RB1: variants seen among roughly 807,000 people sequenced by gnomAD.
The protein encoded by RB1 is retinoblastoma-associated protein.
RB1 carries 18 observed loss-of-function variants against 135.4 expected under a neutral mutation model. The ratio of observed to expected loss-of-function variants is 0.13; its 90% CI spans 0.09 to 0.20. The LOEUF (loss-of-function observed/expected upper bound fraction) is 0.20. Among genes scored for constraint, RB1 ranks in the 10% least tolerant of loss-of-function variants. The pLI is 1.00. For synonymous variants in RB1, 365 were observed against 373.2 expected (o/e 0.98, Z 0.25); for missense variants, 868 against 1,110.0 (o/e 0.78, Z 3.10).
chr13:48,330,447 CAAAT>C (rs1227164511), intron 2 of RB1, among the ~76,000 whole-genome samples: 9 of 151,810 alleles, frequency 5.9e-5, no homozygotes, highest in African/African-American at 2.2e-4. Context: ...AAAGAAGATT[CAAAT>C]AAATAAAATC....
At position 48,360,003 on chromosome 13, in the gene RB1, C is replaced by T. The variant is rs2138107482; in HGVS notation, c.608-14C>T. ...ATCTCTAACTTTCTTTAAAAATGTA[C>T]ATTTTTTTTTCAGGGGAAGTATTAC... On this transcript the variant is annotated splice_polypyrimidine_tract_variant and intron_variant, in intron 6 of 26. Coordinates refer to ENST00000267163, the MANE Select transcript of RB1 (RefSeq NM_000321.3). 6.2e-7 allele frequency: 1 copy of T among 1,609,954 alleles called. No individual in the cohort carries two copies. Among genetic ancestry groups the T allele is most frequent in the Non-Finnish European group, 8.5e-7 (1 of 1,178,348 alleles).
chr13:48,432,319 A>G (rs891821945), intron 17 of RB1, among the ~76,000 whole-genome samples: 3 of 151,742 alleles, frequency 2.0e-5, no homozygotes, highest in Non-Finnish European at 4.4e-5. Flanking sequence ...TTTGGGGCAA[A>G]TAGAAATTTC....
chr13:48,323,143 T>C (rs1952255776), intron 2 of RB1, among the ~76,000 whole-genome samples: 1 of 152,142 alleles, frequency 6.6e-6, no homozygotes, highest in Non-Finnish European at 1.5e-5. Context: ...TGATGCCATC[T>C]GGGCCTGGAC....
chr13:48,376,585 A>T (rs1186581317), intron 12 of RB1, among the ~76,000 whole-genome samples: 2 of 152,118 alleles, frequency 1.3e-5, no homozygotes, highest in African/African-American at 4.8e-5. Flanking sequence ...AGCAACATAC[A>T]TCCCAATATA....
intron 21 of RB1, 55 bp downstream of exon 21, chr13:48,463,890 A>G: frequency 9.6e-7 from 1 of 1,039,154 alleles, no homozygotes; most frequent in Non-Finnish European, 1.5e-6. Context: ...ATAACATAAC[A>G]TAGGTAATTC....
rs1368406855 is a variant in RB1 at position 48,307,736 on chromosome 13, G to A, written c.264+330G>A. On this transcript the variant is annotated intron_variant, in intron 2 of 26. Transcript: ENST00000267163. ...AAAAAATTAGCAGGGTGTGGCGTGC[G>A]CCTGTAGTCCCAGCTATTTGGGAAG... 4.7e-5 allele frequency among the ~76,000 whole-genome samples: 7 copies of A among 150,364 alleles called. No homozygotes were observed. The South Asian group carries it at 1.1e-3, about 23-fold the overall frequency.
chr13:48,402,875 A>G (rs1025074823), intron 17 of RB1, among the ~76,000 whole-genome samples: 3 of 152,216 alleles, frequency 2.0e-5, no homozygotes, highest in African/African-American at 7.2e-5. Flanking sequence ...AATTACCTAT[A>G]TGACATATAA....
chr13:48,384,716 G>A (rs142932026), intron 17 of RB1, among the ~76,000 whole-genome samples: 8 of 152,238 alleles, frequency 5.3e-5, no homozygotes, highest in Admixed American at 4.6e-4. Context: ...TTTAATGAAA[G>A]AAAGAACATC....
rs4151424 is a variant in RB1, at chr13:48,306,126, C to T, written c.138-1154C>T. Among the ~76,000 whole-genome samples the T allele has an allele frequency of 5.5e-3, 837 of 152,114 alleles. 5 individuals carry two copies. The highest frequency in any genetic ancestry group is 0.01 in the Middle Eastern group (3 of 294). ...TCTTTAAAAAAACAAAAAAGCTGAC[C>T]AGGCATGTTGGCTCACGCCTGTAAT... On this transcript the variant is annotated intron_variant, in intron 1 of 26. Transcript: ENST00000267163.
At position 48,453,367 on chromosome 13, in the gene RB1, G is replaced by A. The variant is rs4151578; in HGVS notation, c.1814+256G>A. Among the ~76,000 whole-genome samples, 847 of 152,302 alleles carry A rather than the reference G, an allele frequency of 5.6e-3. 5 individuals are homozygous for A. The highest frequency in any genetic ancestry group is 0.01 in the Middle Eastern group (3 of 294). On this transcript the variant is annotated intron_variant, in intron 18 of 26. Coordinates refer to ENST00000267163, the MANE Select transcript of RB1 (RefSeq NM_000321.3). ...CAGAGTTGGCAGTTTAGGTGGAATA[G>A]GATTTCAATGTGGAAACTGGAGAGA...
At chr13:48,399,775 C>G (rs1948676339) in intron 17 of RB1, among the ~76,000 whole-genome samples, 1 of 151,960 alleles carries the variant, frequency 6.6e-6, no homozygotes, top group Non-Finnish European at 1.5e-5. Context: ...CATTTCTAAA[C>G]CTTTGCTCAA....
rs185042151 is a variant in RB1, at chr13:48,316,319, C to T, written c.264+8913C>T. Among the ~76,000 whole-genome samples, 17 of 151,660 alleles carry T rather than the reference C, an allele frequency of 1.1e-4. No homozygotes were observed. The East Asian group carries it at 3.3e-3, about 29-fold the overall frequency. On this transcript the variant is annotated intron_variant, in intron 2 of 26. Transcript: ENST00000267163. ...TAAAAAGTGCTGTCCTGCGAGCTTC[C>T]CGACGGACACTTTGGGGCATCTGAG...
chr13:48,462,815 T>C (rs1320054225), intron 20 of RB1, among the ~76,000 whole-genome samples: 3 of 152,230 alleles, frequency 2.0e-5, no homozygotes, highest in South Asian at 4.1e-4. Context: ...TGTGGATAAC[T>C]AGTTGTTCCA....
intron 24 of RB1, 38 bp from the exon 25 acceptor site, chr13:48,476,663 A>G: frequency 6.3e-7 from 1 of 1,598,220 alleles, no homozygotes. Context: ...AAACACTGGC[A>G]TTTAATGATT....
At position 48,462,411 on chromosome 13, in the gene RB1, C is replaced by G. The variant is rs184771452; in HGVS notation, c.2107-1320C>G. 6.5e-4 allele frequency among the ~76,000 whole-genome samples: 99 copies of G among 152,328 alleles called. No individual in the cohort carries two copies. In the East Asian group the frequency reaches 0.018, roughly 28 times the overall value. On this transcript the variant is annotated intron_variant, in intron 20 of 26. Transcript: ENST00000267163. Reference sequence around the variant, plus strand: ...AAGTGCTAGGATTACAGGCATGAGCCACCATGCCCAGACTGCTCATTTTTT... The same window carrying G: ...AAGTGCTAGGATTACAGGCATGAGCGACCATGCCCAGACTGCTCATTTTTT...
intron 2 of RB1, among the ~76,000 whole-genome samples, chr13:48,337,173 G>A (rs571271419): frequency 6.6e-6 from 1 of 152,326 alleles, no homozygotes; most frequent in Admixed American, 6.5e-5. Flanking sequence ...TGGATGGAGA[G>A]TTCTGTAGAT....
Position 48,437,260 on chromosome 13 carries a change from A to G in RB1, c.1696-15733A>G, listed in dbSNP as rs1228487846. ...TTAATTTGAGTAGATAAGTAATAACATGAGTTGAGTACAAGAGAAAACTAC... is the reference window on the plus strand; with the variant it reads ...TTAATTTGAGTAGATAAGTAATAACGTGAGTTGAGTACAAGAGAAAACTAC... On this transcript the variant is annotated intron_variant, in intron 17 of 26. Transcript: ENST00000267163. Among the ~76,000 whole-genome samples the G allele has an allele frequency of 2.0e-5, 3 of 152,230 alleles. No homozygotes were observed. The East Asian group carries it at 5.8e-4, about 29-fold the overall frequency.
chr13:48,373,593 TC>T lies in RB1; in HGVS notation c.1215+102del, dbSNP rs1268403731. 6.7e-6 allele frequency: 5 copies of T among 743,642 alleles called. No individual in the cohort carries two copies. In the African/African-American group the frequency reaches 7.0e-5, roughly 10 times the overall value. The allele number at this position is 743,642 out of a possible 1,614,324, so 46.1% of individuals were successfully genotyped here. On this transcript the variant is annotated intron_variant, in intron 12 of 26. Transcript: ENST00000267163. Reference sequence around the variant, plus strand: ...TTCTTTTTAAAATACTAATCTCCTATCTAACATGTAGTTATCCATAATCTTT... The same window carrying T: ...TTCTTTTTAAAATACTAATCTCCTATTAACATGTAGTTATCCATAATCTTT...
intron 2 of RB1, among the ~76,000 whole-genome samples, chr13:48,336,705 A>C (rs1051421002): frequency 7.1e-6 from 1 of 141,050 alleles, no homozygotes; most frequent in Non-Finnish European, 1.5e-5. Flanking sequence ...CTCTGATCTT[A>C]GTTATTTCTT....
Sources: gnomAD v4.1 joint callset for allele counts (sites outside exome capture counted in the v4.1 genomes callset) on GRCh38, gnomAD v4.1.1 for gene constraint, MANE v1.5 for transcripts, NCBI Gene and HGNC (gene_info 2026-07-23, HGNC 2026-07-21) for gene names.